The following SAMD5 variants were observed in gnomAD, a reference collection of about 807,000 sequenced individuals.
SAMD5 encodes sterile alpha motif domain-containing protein 5.
Under a neutral mutation model 11.3 loss-of-function variants are expected in SAMD5, and 13 were observed. That is an observed-to-expected ratio of 1.15 (90% CI 0.75 to 1.83). SAMD5 has a LOEUF of 1.83. SAMD5 is among the 40% of genes most tolerant of loss of function. The probability of loss-of-function intolerance (pLI) is 0.00; values close to 1 mark genes in which losing one functional copy is unlikely to be tolerated. For missense variants in SAMD5, 255 were observed against 239.1 expected (o/e 1.07, Z -0.44); for synonymous variants, 129 against 111.3 (o/e 1.16, Z -1.00).
downstream of SAMD5, among the ~76,000 whole-genome samples, chr6:147,573,714 G>A (rs923190663): frequency 3.9e-5 from 6 of 152,178 alleles, no homozygotes; most frequent in African/African-American, 1.4e-4. Context: ...ATTTTGTATT[G>A]GAGGAACACA....
chr6:147,569,407 A>AT lies in SAMD5; in HGVS notation c.*4958dup, dbSNP rs1251905036. ...AATTCCATGTTAAGAGCTAAGTAGT[A>AT]TTTTTTTCTTAACAATTTTGCCAAA... is the stretch of plus-strand genomic sequence containing the variant. On this transcript the variant is annotated 3_prime_UTR_variant, in exon 2 of 2. Coordinates refer to ENST00000367474, the MANE Select transcript of SAMD5 (RefSeq NM_001030060.3). 3.1e-6 allele frequency: 3 copies of AT among 962,212 alleles called. No individual in the cohort carries two copies. Among genetic ancestry groups the AT allele is most frequent in the Non-Finnish European group, 2.5e-6 (2 of 809,000 alleles). The allele number at this position is 962,212 out of a possible 1,614,324, so 59.6% of individuals were successfully genotyped here.
chr6:147,646,860 A>T (rs1428448660), intron 1 of SAMD5, among the ~76,000 whole-genome samples: 5 of 151,852 alleles, frequency 3.3e-5, no homozygotes, highest in Admixed American at 2.0e-4. Flanking sequence ...CATAAAGGCC[A>T]GGCGTGGTGG....
the SAMD5 span, among the ~76,000 whole-genome samples, chr6:147,909,616 CTTTCTTTCTTTCTTTCTCTTTCT>C: frequency 1.4e-5 from 1 of 70,042 alleles, no homozygotes; most frequent in African/African-American, 8.3e-5. Flanking sequence ...TTCTTTCTTT[CTTTCTTTCTTTCTTTCTCTTTCT>C]TGTCTTTTGT....
intron 1 of SAMD5, among the ~76,000 whole-genome samples, chr6:147,641,446 A>T (rs1257684423): frequency 6.6e-6 from 1 of 152,144 alleles, no homozygotes; most frequent in Admixed American, 6.5e-5. Context: ...TGGTAAAGTG[A>T]AGTGCTCAGG....
intron 1 of SAMD5, among the ~76,000 whole-genome samples, chr6:147,521,366 A>G (rs1389853055): frequency 6.6e-6 from 1 of 152,086 alleles, no homozygotes; most frequent in Non-Finnish European, 1.5e-5. Flanking sequence ...TTTCATGTAG[A>G]TTGCACATAT....
chr6:147,565,258 C>T lies in SAMD5; in HGVS notation c.*802C>T, dbSNP rs1789017423. On this transcript the variant is annotated 3_prime_UTR_variant, in exon 2 of 2. Transcript: ENST00000367474. ...GCCGCAGCTCACAGCCTGTTCTGAG[C>T]TGCAGTGCTTTATCCCACCTTGCTC... 1 of 985,800 alleles carries T rather than the reference C, an allele frequency of 1.0e-6. No homozygotes were observed. Among genetic ancestry groups the T allele is most frequent in the African/African-American group, 1.7e-5 (1 of 57,250 alleles). 61.1% of individuals were successfully genotyped at this position (985,800 alleles called of 1,614,324 possible).
At chr6:147,952,673 C>T in the SAMD5 span, among the ~76,000 whole-genome samples, 3,055 of 152,124 alleles carry the variant, frequency 0.02, 105 homozygotes, top group African/African-American at 0.071. Context: ...ACCACACCCG[C>T]GAATTTTTTT....
chr6:147,798,719 C>T, the SAMD5 span, among the ~76,000 whole-genome samples: 1,855 of 152,022 alleles, frequency 0.012, 46 homozygotes, highest in African/African-American at 0.042. Flanking sequence ...ATTTGTAGGT[C>T]ACTCAGGACT....
chr6:147,614,531 G>C (rs1325813914), intron 1 of SAMD5, among the ~76,000 whole-genome samples: 2 of 151,672 alleles, frequency 1.3e-5, no homozygotes, highest in African/African-American at 4.9e-5. Flanking sequence ...CAACGTGGAA[G>C]AATCTCAGAA....
the SAMD5 span, among the ~76,000 whole-genome samples, chr6:147,924,379 G>C: frequency 6.6e-5 from 10 of 152,206 alleles, no homozygotes; most frequent in Non-Finnish European, 1.2e-4. Context: ...GTGCACTGAA[G>C]ATAAAATTTT....
intron 1 of SAMD5, among the ~76,000 whole-genome samples, chr6:147,527,833 GA>G (rs1788366922): frequency 6.6e-6 from 1 of 152,092 alleles, no homozygotes; most frequent in Non-Finnish European, 1.5e-5. Context: ...AATTTATAAA[GA>G]AAAGAGGTTT....
intron 1 of SAMD5, among the ~76,000 whole-genome samples, chr6:147,579,886 C>A (rs977986152): frequency 5.1e-4 from 77 of 152,152 alleles, no homozygotes; most frequent in Admixed American, 2.5e-3. Flanking sequence ...GTGTGGAATC[C>A]TTACTCTGTG....
At chr6:147,598,788 T>A (rs1210250299) in intron 1 of SAMD5, among the ~76,000 whole-genome samples, 1 of 152,206 alleles carries the variant, frequency 6.6e-6, no homozygotes, top group East Asian at 1.9e-4. Context: ...TATTTAGCAC[T>A]GTGTTGATTT....
the SAMD5 span, among the ~76,000 whole-genome samples, chr6:147,903,044 A>G: frequency 2.0e-5 from 3 of 152,204 alleles, no homozygotes; most frequent in African/African-American, 7.2e-5. Context: ...TTGGCCATCT[A>G]TAATATCAAA....
At chr6:147,515,033 G>A (rs886279439) in intron 1 of SAMD5, among the ~76,000 whole-genome samples, 2 of 152,078 alleles carry the variant, frequency 1.3e-5, no homozygotes, top group African/African-American at 4.8e-5. Context: ...GTTGGCAGAA[G>A]CTGAAATGGC....
chr6:147,573,817 A>G (rs1789173772), downstream of SAMD5, among the ~76,000 whole-genome samples: 1 of 152,198 alleles, frequency 6.6e-6, no homozygotes, highest in Non-Finnish European at 1.5e-5. Flanking sequence ...TTTTCAAGAT[A>G]TGCTAGAATA....
chr6:147,683,549 C>G (rs888587534), intron 1 of SAMD5, among the ~76,000 whole-genome samples: 6 of 152,124 alleles, frequency 3.9e-5, no homozygotes, highest in African/African-American at 1.4e-4. Flanking sequence ...TTCTTCCTCC[C>G]CTTTTTCTTC....
At chr6:147,563,676 A>G (rs1788990393) in intron 1 of SAMD5, among the ~76,000 whole-genome samples, 1 of 152,184 alleles carries the variant, frequency 6.6e-6, no homozygotes, top group Non-Finnish European at 1.5e-5. Context: ...AGGGGTTAAA[A>G]CTGTCAACAC....
chr6:147,551,811 GTTAT>G (rs1365483249), intron 1 of SAMD5, among the ~76,000 whole-genome samples: 1 of 48,838 alleles, frequency 2.0e-5, no homozygotes, highest in Non-Finnish European at 3.4e-5. Flanking sequence ...TTATATATAT[GTTAT>G]ATATATATAT....
Sources: allele counts gnomAD v4.1 joint callset (sites outside exome capture counted in the v4.1 genomes callset), GRCh38; gene constraint gnomAD v4.1.1; transcripts MANE v1.5; gene names NCBI Gene and HGNC (gene_info 2026-07-23, HGNC 2026-07-21).